The following OR51B5 variants were observed in gnomAD, a reference collection of about 807,000 sequenced individuals.
OR51B5 encodes olfactory receptor family 51 subfamily B member 5.
For missense variants in OR51B5, 456 were observed against 374.6 expected (o/e 1.22, Z -1.79); for synonymous variants, 186 against 144.8 (o/e 1.28, Z -2.04).
chr11:5,394,272 C>A (rs1214768142), intron 1 of OR51B5, among the ~76,000 whole-genome samples: 1 of 152,042 alleles, frequency 6.6e-6, no homozygotes, highest in African/African-American at 2.4e-5. Context: ...ACCCATTTTA[C>A]AGATAAGTAC....
At chr11:5,430,772 TAA>T (rs1212154327) in intron 1 of OR51B5, 3 of 457,096 alleles carry the variant, frequency 6.6e-6, no homozygotes, top group African/African-American at 6.0e-5. Context: ...ATGCTAGACA[TAA>T]GTGTGTGGAC....
At chr11:5,357,509 T>A (rs989705154) in intron 1 of OR51B5, among the ~76,000 whole-genome samples, 1 of 152,088 alleles carries the variant, frequency 6.6e-6, no homozygotes, top group Non-Finnish European at 1.5e-5. Flanking sequence ...AGACTTAGAC[T>A]CTCACACAAT....
At chr11:5,504,184 GTTTT>G (rs1334506361) in intron 1 of OR51B5, among the ~76,000 whole-genome samples, 2 of 152,054 alleles carry the variant, frequency 1.3e-5, no homozygotes, top group Non-Finnish European at 2.9e-5. Flanking sequence ...GAAGATATTA[GTTTT>G]GTTTTTTTAA....
upstream of OR51B5, among the ~76,000 whole-genome samples, chr11:5,347,158 G>A (rs1849005653): frequency 6.6e-6 from 1 of 152,130 alleles, no homozygotes; most frequent in Admixed American, 6.5e-5. Flanking sequence ...TGTCTTCATA[G>A]CCCCAGCAGA....
At chr11:5,376,563 T>G (rs1187672453) in intron 1 of OR51B5, among the ~76,000 whole-genome samples, 2 of 152,020 alleles carry the variant, frequency 1.3e-5, no homozygotes, top group Non-Finnish European at 2.9e-5. Context: ...GATAGACCGC[T>G]AGCAAGACTA....
chr11:5,447,857 C>T (rs926558897), intron 1 of OR51B5, among the ~76,000 whole-genome samples: 2 of 152,098 alleles, frequency 1.3e-5, no homozygotes, highest in African/African-American at 4.8e-5. Context: ...CTTACCATGC[C>T]CTCTTAAAGA....
At chr11:5,345,279 CAAGAA>C (rs1848974068), upstream of OR51B5, among the ~76,000 whole-genome samples, 2 of 151,560 alleles carry the variant, frequency 1.3e-5, no homozygotes, top group Admixed American at 6.6e-5. Flanking sequence ...AAGCAAGAGA[CAAGAA>C]AAGAGATGAG....
At chr11:5,428,745 A>G (rs895798501) in intron 1 of OR51B5, among the ~76,000 whole-genome samples, 6 of 152,320 alleles carry the variant, frequency 3.9e-5, no homozygotes, top group Admixed American at 3.9e-4. Context: ...GCTAACCATA[A>G]GAGAATTTAG....
chr11:5,397,495 A>T (rs1448422740), intron 1 of OR51B5, among the ~76,000 whole-genome samples: 1 of 151,426 alleles, frequency 6.6e-6, no homozygotes, highest in Non-Finnish European at 1.5e-5. Context: ...TCAAAACCAC[A>T]ATGAGATACC....
chr11:5,343,661 T>C (rs1848943123), upstream of OR51B5: 2 of 539,404 alleles, frequency 3.7e-6, no homozygotes, highest in East Asian at 3.0e-5. Context: ...ATATAAGTGA[T>C]TGTTTCTCAA....
At chr11:5,485,412 C>A (rs75576769) in intron 1 of OR51B5, among the ~76,000 whole-genome samples, 2,971 of 152,302 alleles carry the variant, frequency 0.02, 103 homozygotes, top group African/African-American at 0.067. Context: ...AGCTATTCAG[C>A]CTTGCATCCC....
rs571205838 is a variant in OR51B5 at position 5,399,032 on chromosome 11, A to C, written n.85-52122T>G. 4.6e-5 allele frequency among the ~76,000 whole-genome samples: 7 copies of C among 152,342 alleles called. No individual in the cohort carries two copies. The East Asian group carries it at 1.3e-3, about 29-fold the overall frequency. ...CCCTTAGCATTTTTCCTAAGACAGT[A>C]GTCACCTCCCTAGCTTCTTGAACCT... On this transcript the variant is annotated intron_variant and non_coding_transcript_variant, in intron 1 of 4. Transcript: ENST00000415970.
At chr11:5,504,641 C>T (rs11037866) in intron 1 of OR51B5, among the ~76,000 whole-genome samples, 40,241 of 152,148 alleles carry the variant, frequency 0.26, 5,468 homozygotes, top group Middle Eastern at 0.32. Context: ...AAGCTTTGGT[C>T]CTGTGACATC....
intron 1 of OR51B5, among the ~76,000 whole-genome samples, chr11:5,456,827 A>C (rs1850967113): frequency 6.6e-6 from 1 of 152,098 alleles, no homozygotes; most frequent in African/African-American, 2.4e-5. Flanking sequence ...TCTCATGCAT[A>C]GTTTAGAACC....
At chr11:5,388,373 G>A (rs572283935) in intron 1 of OR51B5, among the ~76,000 whole-genome samples, 46 of 151,628 alleles carry the variant, frequency 3.0e-4, no homozygotes, top group Non-Finnish European at 5.3e-4. Flanking sequence ...ACATAGGAGA[G>A]GGTATTCAAA....
chr11:5,410,028 CA>C (rs200898833), intron 1 of OR51B5, among the ~76,000 whole-genome samples: 2,563 of 152,146 alleles, frequency 0.017, 47 homozygotes, highest in Non-Finnish European at 0.025. Flanking sequence ...ATTCTATACA[CA>C]GTGAAAATAT....
chr11:5,347,888 G>T (rs551513817), upstream of OR51B5, among the ~76,000 whole-genome samples: 1 of 152,224 alleles, frequency 6.6e-6, no homozygotes, highest in South Asian at 2.1e-4. Context: ...TACCAGCCAG[G>T]CTCATGTGCA....
chr11:5,412,182 C>T (rs1050937864), intron 1 of OR51B5, among the ~76,000 whole-genome samples: 1 of 152,130 alleles, frequency 6.6e-6, no homozygotes, highest in Admixed American at 6.5e-5. Context: ...TATGGTAGTC[C>T]TTCTGATATG....
chr11:5,432,769 T>A (rs1850550121), intron 1 of OR51B5, among the ~76,000 whole-genome samples: 1 of 152,152 alleles, frequency 6.6e-6, no homozygotes, highest in Non-Finnish European at 1.5e-5. Flanking sequence ...AGCTTAAAAG[T>A]CAGTTTCTGC....
Sources: allele counts gnomAD v4.1 joint callset (sites outside exome capture counted in the v4.1 genomes callset), GRCh38; gene constraint gnomAD v4.1.1; transcripts MANE v1.5; gene names NCBI Gene and HGNC (gene_info 2026-07-23, HGNC 2026-07-21).